LHX8: variants seen among roughly 807,000 people sequenced by gnomAD.
LHX8 encodes the protein LIM/homeobox protein Lhx8.
Under a neutral mutation model 40.3 loss-of-function variants are expected in LHX8, and 12 were observed. The observed-to-expected ratio is 0.30, with a 90% CI of 0.19 to 0.48. LHX8 has a LOEUF of 0.48. LHX8 is among the 20% of genes least tolerant of loss of function. The pLI is 0.99. For synonymous variants in LHX8, 179 were observed against 162.0 expected (o/e 1.10, Z -0.80); for missense variants, 344 against 433.7 (o/e 0.79, Z 1.84).
intron 8 of LHX8, among the ~76,000 whole-genome samples, chr1:75,158,289 T>C (rs982152779): frequency 6.6e-6 from 1 of 152,226 alleles, no homozygotes; most frequent in Admixed American, 6.5e-5. Context: ...CATATAAAGC[T>C]TTTTGATAAT....
downstream of LHX8, among the ~76,000 whole-genome samples, chr1:75,163,941 A>G (rs568366151): frequency 2.6e-5 from 4 of 152,312 alleles, no homozygotes; most frequent in South Asian, 2.1e-4. Flanking sequence ...GGTGCCATCT[A>G]TGAGGACTGG....
At chr1:75,185,050 C>T in the LHX8 span, among the ~76,000 whole-genome samples, 1 of 151,678 alleles carries the variant, frequency 6.6e-6, no homozygotes, top group Non-Finnish European at 1.5e-5. Context: ...CAAGACTGAA[C>T]CAGGAAGAAA....
chr1:75,130,632 T>C (rs918086810), upstream of LHX8: 4 of 1,229,138 alleles, frequency 3.3e-6, no homozygotes, highest in Admixed American at 1.7e-5. Context: ...TCAGAAACTG[T>C]GGGTAGCAAG....
rs1315290317 is a variant in LHX8, at chr1:75,151,145, T to A, written c.780+2463T>A. On this transcript the variant is annotated intron_variant, in intron 7 of 8. Transcript: ENST00000356261. ...TGATACATGGGTACTTATTCTTCTGTAAGCCTAAAGGTTTCATAATTAACA... is the reference window on the plus strand; with the variant it reads ...TGATACATGGGTACTTATTCTTCTGAAAGCCTAAAGGTTTCATAATTAACA... Among the ~76,000 whole-genome samples the A allele has an allele frequency of 2.0e-5, 3 of 152,182 alleles. No homozygotes were observed. The East Asian group carries it at 5.8e-4, about 29-fold the overall frequency.
At chr1:75,186,976 G>A in the LHX8 span, among the ~76,000 whole-genome samples, 1 of 152,196 alleles carries the variant, frequency 6.6e-6, no homozygotes, top group Admixed American at 6.5e-5. Context: ...CCCAGGATCA[G>A]AGTGAAACTG....
chr1:75,176,070 A>T, the LHX8 span, among the ~76,000 whole-genome samples: 49 of 152,214 alleles, frequency 3.2e-4, 1 homozygote, highest in Non-Finnish European at 6.2e-4. Flanking sequence ...TCAGTCTAAC[A>T]TTGCTGGACA....
chr1:75,191,481 C>G, the LHX8 span, among the ~76,000 whole-genome samples: 1 of 152,170 alleles, frequency 6.6e-6, no homozygotes, highest in Non-Finnish European at 1.5e-5. Context: ...AAAGGAGGCA[C>G]AGGTGGCATG....
the LHX8 span, among the ~76,000 whole-genome samples, chr1:75,185,464 A>G: frequency 6.6e-6 from 1 of 152,208 alleles, no homozygotes; most frequent in South Asian, 2.1e-4. Context: ...AAATCAATAA[A>G]TGTGATTCAT....
rs1335339203 is a variant in LHX8 at position 75,157,127 on chromosome 1, A to C, written c.964+51A>C. The C allele has an allele frequency of 2.0e-6, 3 of 1,536,022 alleles. No homozygotes were observed. In the African/African-American group the frequency reaches 4.1e-5, roughly 21 times the overall value. On this transcript the variant is annotated intron_variant, in intron 8 of 8. Transcript: ENST00000356261. ...GTCTCCCAGGCAATCAGCAACTGGT[A>C]ACTTCTAATATTAGATTATTGATAC...
chr1:75,150,996 C>G (rs6669192), intron 7 of LHX8, among the ~76,000 whole-genome samples: 2,526 of 152,014 alleles, frequency 0.017, 74 homozygotes, highest in African/African-American at 0.058. Flanking sequence ...TTAAATAACA[C>G]CGGAAGTTCA....
At chr1:75,175,767 C>T in the LHX8 span, among the ~76,000 whole-genome samples, 1 of 152,014 alleles carries the variant, frequency 6.6e-6, no homozygotes, top group Non-Finnish European at 1.5e-5. Context: ...TGGTTTGCTG[C>T]ACCCAATAAC....
At chr1:75,166,543 A>G in the LHX8 span, among the ~76,000 whole-genome samples, 1 of 152,224 alleles carries the variant, frequency 6.6e-6, no homozygotes, top group Non-Finnish European at 1.5e-5. Context: ...ACTAGTTATT[A>G]GCTCATTTCT....
chr1:75,150,656 AG>A (rs1440654523), intron 7 of LHX8, among the ~76,000 whole-genome samples: 1 of 151,458 alleles, frequency 6.6e-6, no homozygotes, highest in East Asian at 1.9e-4. Context: ...CAGAGAGACC[AG>A]GGAAATGGAA....
At chr1:75,131,031 G>A, upstream of LHX8, 2 of 466,670 alleles carry the variant, frequency 4.3e-6, no homozygotes, top group Non-Finnish European at 7.8e-6. Flanking sequence ...TGGAGCCCTG[G>A]AGGTGGGCGG....
chr1:75,149,181 G>C (rs1171148228), intron 7 of LHX8, among the ~76,000 whole-genome samples: 1 of 152,188 alleles, frequency 6.6e-6, no homozygotes, highest in South Asian at 2.1e-4. Context: ...GCTGCTGATG[G>C]CCTTTGCCAA....
chr1:75,160,624 G>A (rs1366676172), intron 8 of LHX8, 195 bp from the exon 9 acceptor site: 1 of 591,512 alleles, frequency 1.7e-6, no homozygotes, highest in African/African-American at 1.9e-5. Context: ...TAAAGATTTG[G>A]GGGTAAAACT....
rs1449105961 is a variant in LHX8, at chr1:75,147,062, A to T, written c.685-1525A>T. On this transcript the variant is annotated intron_variant, in intron 6 of 8. Coordinates refer to ENST00000356261, the MANE Select transcript of LHX8 (RefSeq NM_001256114.2). ...CATAGAAACATAACTCTATTTTCACAGGAAGATACCAAAGTAACACATTTG... is the reference window on the plus strand; with the variant it reads ...CATAGAAACATAACTCTATTTTCACTGGAAGATACCAAAGTAACACATTTG... Among the ~76,000 whole-genome samples, 3 of 152,312 alleles carry T rather than the reference A, an allele frequency of 2.0e-5. No individual in the cohort carries two copies. The South Asian group carries it at 6.2e-4, about 32-fold the overall frequency.
the LHX8 span, among the ~76,000 whole-genome samples, chr1:75,186,324 A>T: frequency 6.6e-6 from 1 of 152,146 alleles, no homozygotes; most frequent in African/African-American, 2.4e-5. Flanking sequence ...AAAACAGCAT[A>T]GTACTGGTAC....
At chr1:75,173,627 C>A in the LHX8 span, among the ~76,000 whole-genome samples, 4 of 151,934 alleles carry the variant, frequency 2.6e-5, no homozygotes, top group Admixed American at 2.6e-4. Flanking sequence ...CGTGATCTGC[C>A]CGCCTCGGCC....
Sources: allele counts gnomAD v4.1 joint callset (sites outside exome capture counted in the v4.1 genomes callset), GRCh38; gene constraint gnomAD v4.1.1; transcripts MANE v1.5; gene names NCBI Gene and HGNC (gene_info 2026-07-23, HGNC 2026-07-21).